The following VAT1L variants were observed in gnomAD, a reference collection of about 807,000 sequenced individuals.
The protein encoded by VAT1L is putative NADPH-dependent quinone oxidoreductase VAT1L.
In VAT1L, 34 loss-of-function variants were observed where a neutral mutation model predicts 44.1. The observed-to-expected ratio is 0.77, with a 90% confidence interval of 0.59 to 1.03. VAT1L has a LOEUF of 1.03. Ranked by LOEUF, VAT1L falls within the 50% of genes least tolerant of loss-of-function variation. The probability of loss-of-function intolerance (pLI) is 0.00; values close to 1 mark genes in which losing one functional copy is unlikely to be tolerated. For synonymous variants in VAT1L, 253 were observed against 202.2 expected (o/e 1.25, Z -2.13); for missense variants, 615 against 538.8 (o/e 1.14, Z -1.40).
intron 1 of VAT1L, among the ~76,000 whole-genome samples, chr16:77,796,686 A>G (rs2015939582): frequency 6.6e-6 from 1 of 152,146 alleles, no homozygotes; most frequent in South Asian, 2.1e-4. Flanking sequence ...TTCCTAAATG[A>G]CTTGGGCTTT....
At chr16:77,934,836 G>A (rs887852596) in intron 7 of VAT1L, among the ~76,000 whole-genome samples, 5 of 152,134 alleles carry the variant, frequency 3.3e-5, no homozygotes, top group Admixed American at 3.3e-4. Context: ...ATTTGTGCCA[G>A]GTCTTATATC....
intron 7 of VAT1L, among the ~76,000 whole-genome samples, chr16:77,885,693 C>T (rs2017202480): frequency 6.6e-6 from 1 of 151,892 alleles, no homozygotes; most frequent in South Asian, 2.1e-4. Flanking sequence ...GGTACAAGTA[C>T]TTTGTTGTAC....
chr16:77,926,401 T>A (rs2017669549), intron 7 of VAT1L, among the ~76,000 whole-genome samples: 1 of 150,928 alleles, frequency 6.6e-6, no homozygotes, highest in Non-Finnish European at 1.5e-5. Flanking sequence ...CTGGCCAACA[T>A]GGTGAAACCC....
intron 8 of VAT1L, among the ~76,000 whole-genome samples, chr16:77,974,118 A>T (rs2018309799): frequency 6.6e-6 from 1 of 152,212 alleles, no homozygotes; most frequent in Non-Finnish European, 1.5e-5. Flanking sequence ...AACATTGTAA[A>T]ACACCCTCTT....
Position 77,825,270 on chromosome 16 carries a change from G to C in VAT1L, c.388G>C (p.Val130Leu). Reference sequence around the variant, plus strand: ...GATTGGAGACCGTGTCATGGCATTTGTCAATTACAATGCCTGGGCAGAGGT... The same window carrying C: ...GATTGGAGACCGTGTCATGGCATTTCTCAATTACAATGCCTGGGCAGAGGT... ...YEIGDRVMAF[V>L]NYNAWAEVVC... Residue 130 changes from valine (V) to leucine (L), a missense_variant, in exon 3 of 9, where the codon GTC becomes CTC. Transcript: ENST00000302536. 2 of 1,614,160 alleles carry C rather than the reference G, an allele frequency of 1.2e-6. No homozygotes were observed. The highest frequency in any genetic ancestry group is 1.1e-5 in the South Asian group (1 of 91,082).
At chr16:77,840,428 A>T (rs1161385877) in intron 3 of VAT1L, among the ~76,000 whole-genome samples, 2 of 152,126 alleles carry the variant, frequency 1.3e-5, no homozygotes, top group Non-Finnish European at 2.9e-5. Flanking sequence ...CTGTAGCATA[A>T]AGCTAGTAGT....
At chr16:77,859,384 T>A (rs1427378901) in intron 3 of VAT1L, among the ~76,000 whole-genome samples, 1 of 152,072 alleles carries the variant, frequency 6.6e-6, no homozygotes, top group Non-Finnish European at 1.5e-5. Context: ...AAATGCTAAC[T>A]GTGGTGGCTG....
chr16:77,835,922 T>A (rs997611565), intron 3 of VAT1L, among the ~76,000 whole-genome samples: 1 of 151,682 alleles, frequency 6.6e-6, no homozygotes, highest in African/African-American at 2.4e-5. Context: ...AAATCCTCCC[T>A]GTTGAATAGT....
intron 7 of VAT1L, among the ~76,000 whole-genome samples, chr16:77,927,193 CCAGG>C: frequency 6.6e-6 from 1 of 151,866 alleles, no homozygotes; most frequent in South Asian, 2.1e-4. Flanking sequence ...AAAAAATTAG[CCAGG>C]TGTGGTGGCG....
chr16:77,876,593 A>AT (rs1259714148), intron 5 of VAT1L, 120 bp downstream of exon 5: 2 of 796,122 alleles, frequency 2.5e-6, no homozygotes, highest in Non-Finnish European at 4.2e-6. Flanking sequence ...GGGGTGTTTC[A>AT]TTTTTTAATG....
At chr16:77,837,153 G>T (rs934543401) in intron 3 of VAT1L, among the ~76,000 whole-genome samples, 1 of 152,146 alleles carries the variant, frequency 6.6e-6, no homozygotes, top group Non-Finnish European at 1.5e-5. Flanking sequence ...AGAGTGAGAT[G>T]GAAGGGATTT....
At chr16:77,931,766 A>G (rs1289241442) in intron 7 of VAT1L, among the ~76,000 whole-genome samples, 1 of 152,208 alleles carries the variant, frequency 6.6e-6, no homozygotes, top group Non-Finnish European at 1.5e-5. Flanking sequence ...AAAAATATAT[A>G]TTGATCTTAC....
intron 5 of VAT1L, among the ~76,000 whole-genome samples, chr16:77,878,699 C>T (rs1381798186): frequency 6.6e-6 from 1 of 151,994 alleles, no homozygotes; most frequent in Non-Finnish European, 1.5e-5. Context: ...CCCATTTTTT[C>T]CAATCCATCT....
intron 1 of VAT1L, among the ~76,000 whole-genome samples, chr16:77,815,606 T>A (rs1034040194): frequency 5.9e-5 from 9 of 152,110 alleles, no homozygotes; most frequent in Non-Finnish European, 1.3e-4. Context: ...CCAGTGGGCA[T>A]AGGTGGAGTT....
chr16:77,964,017 G>T (rs2018193367), intron 7 of VAT1L, among the ~76,000 whole-genome samples: 1 of 152,026 alleles, frequency 6.6e-6, no homozygotes, highest in Non-Finnish European at 1.5e-5. Flanking sequence ...CAGACCCCAG[G>T]ATCTGGCCGC....
chr16:77,952,225 A>T (rs1030335800), intron 7 of VAT1L, among the ~76,000 whole-genome samples: 1 of 152,210 alleles, frequency 6.6e-6, no homozygotes, highest in Non-Finnish European at 1.5e-5. Context: ...TTTCTAAGGT[A>T]AATGCTCTAA....
rs1256285145 is a variant in VAT1L at position 77,849,179 on chromosome 16, T to G, written c.580-13569T>G. ...CATTCTGCACATGTATCCCAGAACT[T>G]AAAGTATAATAACAAAAAAAAGTAG... is the stretch of plus-strand genomic sequence containing the variant. On this transcript the variant is annotated intron_variant, in intron 3 of 8. Transcript: ENST00000302536. Among the ~76,000 whole-genome samples the G allele has an allele frequency of 2.0e-5, 3 of 152,186 alleles. No homozygotes were observed. In the East Asian group the frequency reaches 5.8e-4, roughly 29 times the overall value.
At chr16:77,931,985 T>C (rs976094810) in intron 7 of VAT1L, among the ~76,000 whole-genome samples, 1 of 152,226 alleles carries the variant, frequency 6.6e-6, no homozygotes, top group African/African-American at 2.4e-5. Context: ...ATGTATTATT[T>C]TGCCTTGGAT....
In VAT1L at chr16:77,804,045, T is replaced by C. The variant is rs547343791; in HGVS notation, c.234-12876T>C. The stretch of plus-strand genomic sequence containing the variant: ...ACTGTCATGCCGTGTAGTCATTCTT[T>C]TGTTGATCTCTGAGTCCTGGAAGGC... On this transcript the variant is annotated intron_variant, in intron 1 of 8. Coordinates refer to ENST00000302536, the MANE Select transcript of VAT1L (RefSeq NM_020927.3). 3.3e-5 allele frequency among the ~76,000 whole-genome samples: 5 copies of C among 152,288 alleles called. No individual in the cohort carries two copies. The East Asian group carries it at 9.7e-4, about 29-fold the overall frequency.
Sources: allele counts gnomAD v4.1 joint callset (sites outside exome capture counted in the v4.1 genomes callset), GRCh38; gene constraint gnomAD v4.1.1; transcripts MANE v1.5; gene names NCBI Gene and HGNC (gene_info 2026-07-23, HGNC 2026-07-21).